Variants in COL11A2 observed in about 807,000 individuals in gnomAD.
The protein encoded by COL11A2 is collagen alpha-2(XI) chain.
COL11A2 carries 116 observed loss-of-function variants against 273.4 expected under a neutral mutation model. The ratio of observed to expected loss-of-function variants is 0.42; its 90% CI spans 0.36 to 0.49. COL11A2 has a LOEUF of 0.49. Ranked by LOEUF, COL11A2 falls within the 20% of genes least tolerant of loss-of-function variation. The pLI is 0.00. For synonymous variants in COL11A2, 782 were observed against 864.2 expected, an observed-to-expected ratio of 0.90 and a Z score of 1.67; for missense variants, 1,866 against 2,309.0, an observed-to-expected ratio of 0.81 and a Z score of 3.93.
In COL11A2 at chr6:33,165,638, A is replaced by T. The variant is rs1298190791; in HGVS notation, c.4661T>A (p.Ile1554Asn). 3.7e-6 allele frequency: 6 copies of T among 1,612,346 alleles called. No homozygotes were observed. Residue 1554 changes from isoleucine to asparagine, a missense_variant, in exon 63 of 66, where the codon ATC (isoleucine) becomes AAC (asparagine). Ile to Asn is a moderately radical substitution (Grantham distance 149). Coordinates refer to ENST00000341947, the MANE Select transcript of COL11A2 (RefSeq NM_080680.3). The surrounding 1 kb of genome is among the most constrained non-coding windows in gnomAD (Gnocchi z 7.7). ...FGSLDSLREEIEQMRRPTGTQ... is the reference protein window; with the variant it reads ...FGSLDSLREENEQMRRPTGTQ... ...CCCTGTTGGCCGCCTCATCTGCTCG[A>T]TCTCCTCCCGCAGGGAGTCGAGTGA...
Position 33,172,068 on chromosome 6 carries a change from A to G in COL11A2, c.3024T>C (p.Ser1008=). The G allele has an allele frequency of 6.2e-7, 1 of 1,612,816 alleles. No homozygotes were observed. Among genetic ancestry groups the G allele is most frequent in the South Asian group, 1.1e-5 (1 of 91,058 alleles). ...GPGLKGNEGP[S]GPPGPAGSPG... is the part of the protein sequence containing the mutation. ...GACTCACTGCAGGGCCAGGGGGGCC[A>G]GACGGACCTTCATTCCCCTTCAAAC... Residue 1008 remains serine (S), a synonymous_variant, in exon 41 of 66, where the codon TCT becomes TCC. Coordinates refer to ENST00000341947, the MANE Select transcript of COL11A2 (RefSeq NM_080680.3).
Position 33,164,275 on chromosome 6 carries a change from C to A in COL11A2, c.5062G>T (p.Gly1688Cys). Residue 1688 changes from glycine to cysteine, a missense_variant, in exon 65 of 66, where the codon GGC (glycine) becomes TGC (cysteine). By Grantham distance (159) the Gly-to-Cys change is radical. Coordinates refer to ENST00000341947, the MANE Select transcript of COL11A2 (RefSeq NM_080680.3). This position sits in a 1 kb window ranked among gnomAD's most constrained non-coding sequence, Gnocchi z 4.7. ...TSPYVKEFRD[G>C]CQTQQGRTVL... ...GCTCTTCCTGTTCCCACCTGGCAGC[C>A]ATCTCTGAATTCTTTGACATAGGGG... 1.2e-6 allele frequency: 2 copies of A among 1,612,968 alleles called. No individual in the cohort carries two copies. Among genetic ancestry groups the A allele is most frequent in the Non-Finnish European group, 1.7e-6 (2 of 1,179,998 alleles).
intron 30 of COL11A2, among the ~76,000 whole-genome samples, chr6:33,175,075 G>A (rs574935776): frequency 2.6e-4 from 39 of 152,324 alleles, no homozygotes; most frequent in African/African-American, 9.4e-4. Flanking sequence ...CAGACTGCCT[G>A]GGCATAACCC....
intron 8 of COL11A2, 139 bp downstream of exon 8, chr6:33,184,006 C>T: frequency 1.5e-6 from 1 of 674,750 alleles, no homozygotes; most frequent in Non-Finnish European, 2.4e-6. Flanking sequence ...GCAACATATA[C>T]ATCATATGTG....
At position 33,164,161 on chromosome 6, in the gene COL11A2, G is replaced by T; in HGVS notation, c.5070+106C>A. On this transcript the variant is annotated intron_variant, in intron 65 of 65. Coordinates refer to ENST00000341947, the MANE Select transcript of COL11A2 (RefSeq NM_080680.3). This position sits in a 1 kb window ranked among gnomAD's most constrained non-coding sequence, Gnocchi z 4.7. The stretch of plus-strand genomic sequence containing the variant: ...GCATCCCTGACAATCCAGCAGGACG[G>T]ACTCCTCCCTGCTCCCCCTGGGTGC... 7.6e-7 allele frequency: 1 copy of T among 1,319,232 alleles called. No individual in the cohort carries two copies. Among genetic ancestry groups the T allele is most frequent in the Non-Finnish European group, 1.0e-6 (1 of 954,418 alleles). 81.7% of individuals were successfully genotyped at this position (1,319,232 alleles called of 1,614,324 possible).
rs1176268685 is a variant in COL11A2 at position 33,167,974 on chromosome 6, C to T, written c.3961-122G>A. Reference sequence around the variant, plus strand: ...ACACACACGTGCATACACAGGGACACGCGCCGAGGGCCGATTCACAGATGT... The same window carrying T: ...ACACACACGTGCATACACAGGGACATGCGCCGAGGGCCGATTCACAGATGT... On this transcript the variant is annotated intron_variant, in intron 54 of 65. Transcript: ENST00000341947. This position sits in a 1 kb window ranked among gnomAD's most constrained non-coding sequence, Gnocchi z 6.1. 1.7e-5 allele frequency: 18 copies of T among 1,047,562 alleles called. No homozygotes were observed. Among genetic ancestry groups the T allele is most frequent in the South Asian group, 6.7e-5 (5 of 75,016 alleles). The allele number at this position is 1,047,562 out of a possible 1,614,324, so 64.9% of individuals were successfully genotyped here.
rs1322142632 is a variant in COL11A2 at position 33,188,456 on chromosome 6, A to G, written c.512T>C (p.Val171Ala). ...AGCACTTCGGGGGAGAGGCCGGGTGACTCGCTTCTTGCAGTCAACAATGAG... is the reference window on the plus strand; with the variant it reads ...AGCACTTCGGGGGAGAGGCCGGGTGGCTCGCTTCTTGCAGTCAACAATGAG... Reference protein sequence around the residue: ...VTLIVDCKKRVTRPLPRSARP... With the variant: ...VTLIVDCKKRATRPLPRSARP... The change falls in exon 4 of 66, where the codon GTC (valine) becomes GCC (alanine). Residue 171 changes from valine to alanine, a missense_variant. Physicochemically the swap from Val to Ala is moderately conservative, Grantham distance 64. Transcript: ENST00000341947. 6.2e-7 allele frequency: 1 copy of G among 1,612,758 alleles called. No homozygotes were observed. Among genetic ancestry groups the G allele is most frequent in the African/African-American group, 1.3e-5 (1 of 74,836 alleles).
chr6:33,177,474 A>G lies in COL11A2; in HGVS notation c.1918-9T>C. 6.2e-7 allele frequency: 1 copy of G among 1,612,868 alleles called. No individual in the cohort carries two copies. Among genetic ancestry groups the G allele is most frequent in the Non-Finnish European group, 8.5e-7 (1 of 1,179,916 alleles). The stretch of plus-strand genomic sequence containing the variant: ...GGCTCTCCCTGGGGTCCCTAGAAAC[A>G]GGTGACCAGGCACAGGTCAGAAGGA... On this transcript the variant is annotated splice_polypyrimidine_tract_variant and intron_variant, in intron 22 of 65. Coordinates refer to ENST00000341947, the MANE Select transcript of COL11A2 (RefSeq NM_080680.3). This position sits in a 1 kb window ranked among gnomAD's most constrained non-coding sequence, Gnocchi z 5.9.
chr6:33,175,613 C>G lies in COL11A2; in HGVS notation c.2337G>C (p.Pro779=), dbSNP rs375026901. ...GPEGPKGRTG[P]TGDPGPPGLM... The stretch of plus-strand genomic sequence containing the variant: ...GCCCTGGGGGCCCAGGGTCTCCAGT[C>G]GGTCCAGTGCGTCCCTTTGGCCCCT... Residue 779 remains proline (P), a synonymous_variant, in exon 30 of 66, where the codon CCG becomes CCC. Transcript: ENST00000341947. 15 of 1,613,006 alleles carry G rather than the reference C, an allele frequency of 9.3e-6. No homozygotes were observed. Among genetic ancestry groups the G allele is most frequent in the Non-Finnish European group, 1.2e-5 (14 of 1,180,028 alleles).
rs1179310340 is a variant in COL11A2, at chr6:33,164,815, T to C, written c.4863+37A>G. 1.0e-5 allele frequency: 14 copies of C among 1,385,930 alleles called. 1 individual carries two copies. Among genetic ancestry groups the C allele is most frequent in the Middle Eastern group, 1.9e-4 (1 of 5,216 alleles). 85.9% of individuals were successfully genotyped at this position (1,385,930 alleles called of 1,614,324 possible). On this transcript the variant is annotated intron_variant, in intron 64 of 65. Coordinates refer to ENST00000341947, the MANE Select transcript of COL11A2 (RefSeq NM_080680.3). This position sits in a 1 kb window ranked among gnomAD's most constrained non-coding sequence, Gnocchi z 4.7. ...CACTAAGCCCTGAGGGGGTGCACTA[T>C]GGGGCAGGGGAGGGGCAGCGAGGGG...
Position 33,164,439 on chromosome 6 carries a change from C to G in COL11A2, c.4898G>C (p.Gly1633Ala). Residue 1633 changes from glycine to alanine, a missense_variant, in exon 65 of 66, where the codon GGT (glycine) becomes GCT (alanine). Gly to Ala is a moderately conservative substitution (Grantham distance 60, BLOSUM62 0). Transcript: ENST00000341947. This position sits in a 1 kb window ranked among gnomAD's most constrained non-coding sequence, Gnocchi z 4.7. ...CCGCAGGAAGGTGAGCTGGACCACA[C>G]CCACTGGGGAGCCCTCTGAGTCCAC... ...SYVDSEGSPV[G>A]VVQLTFLRLL... 1.3e-6 allele frequency: 2 copies of G among 1,581,778 alleles called. No individual in the cohort carries two copies. The highest frequency in any genetic ancestry group is 1.7e-6 in the Non-Finnish European group (2 of 1,163,554).
At chr6:33,175,765 G>A in intron 29 of COL11A2, 84 bp from the exon 30 acceptor site, 1 of 1,368,138 alleles carries the variant, frequency 7.3e-7, no homozygotes, top group Non-Finnish European at 1.0e-6. Context: ...CAGTGAGGCT[G>A]AGGAGGGCTA....
In COL11A2 at chr6:33,167,252, C is replaced by T. The variant is rs1384556564; in HGVS notation, c.4176+12G>A. 1 of 1,614,002 alleles carries T rather than the reference C, an allele frequency of 6.2e-7. No homozygotes were observed. The highest frequency in any genetic ancestry group is 8.5e-7 in the Non-Finnish European group (1 of 1,180,022). ...CCCTCACCCCTCACTCAGCCCAATCCCAGTCACTCACCACAGGACCTGGGG... is the reference window on the plus strand; with the variant it reads ...CCCTCACCCCTCACTCAGCCCAATCTCAGTCACTCACCACAGGACCTGGGG... On this transcript the variant is annotated intron_variant, in intron 57 of 65. Transcript: ENST00000341947. This position sits in a 1 kb window ranked among gnomAD's most constrained non-coding sequence, Gnocchi z 6.1.
At position 33,166,944 on chromosome 6, in the gene COL11A2, G is replaced by A. The variant is rs1278110147; in HGVS notation, c.4231-117C>T. ...ACAGGGTCCGTGAGTGGCCCTCACT[G>A]AGCAGGGACTCCCTGGGACTGGCTG... On this transcript the variant is annotated intron_variant, in intron 58 of 65. Coordinates refer to ENST00000341947, the MANE Select transcript of COL11A2 (RefSeq NM_080680.3). The surrounding 1 kb of genome is among the most constrained non-coding windows in gnomAD (Gnocchi z 4.8). 5 of 1,515,586 alleles carry A rather than the reference G, an allele frequency of 3.3e-6. No homozygotes were observed. Among genetic ancestry groups the A allele is most frequent in the Non-Finnish European group, 3.6e-6 (4 of 1,105,622 alleles). The allele number at this position is 1,515,586 out of a possible 1,614,324, so 93.9% of individuals were successfully genotyped here.
At position 33,189,583 on chromosome 6, in the gene COL11A2, A is replaced by G; in HGVS notation, c.83-114T>C. 7.4e-7 allele frequency: 1 copy of G among 1,351,102 alleles called. No homozygotes were observed. The allele number at this position is 1,351,102 out of a possible 1,614,324, so 83.7% of individuals were successfully genotyped here. A position where few individuals can be genotyped will look rare whatever the true frequency, so the allele number is the denominator to read the frequency against. On this transcript the variant is annotated intron_variant, in intron 1 of 65. Coordinates refer to ENST00000341947, the MANE Select transcript of COL11A2 (RefSeq NM_080680.3). The surrounding 1 kb of genome is among the most constrained non-coding windows in gnomAD (Gnocchi z 5.6). The stretch of plus-strand genomic sequence containing the variant: ...AGGGCTCAAACTCCCTGCAAGGGAA[A>G]GGTCACCTCACCCTCACTTGCTTCT...
chr6:33,166,385 C>A lies in COL11A2; in HGVS notation c.4392+128G>T, dbSNP rs1769149874. On this transcript the variant is annotated intron_variant, in intron 60 of 65. Coordinates refer to ENST00000341947, the MANE Select transcript of COL11A2 (RefSeq NM_080680.3). This position sits in a 1 kb window ranked among gnomAD's most constrained non-coding sequence, Gnocchi z 4.8. ...TATGGGGAGGAGGTACTGGTGGTGA[C>A]AGGACAAATGGGGGACCCTGAGGAC... 7 of 1,302,284 alleles carry A rather than the reference C, an allele frequency of 5.4e-6. No individual in the cohort carries two copies. Among genetic ancestry groups the A allele is most frequent in the Non-Finnish European group, 7.5e-6 (7 of 934,704 alleles). 80.7% of individuals were successfully genotyped at this position (1,302,284 alleles called of 1,614,324 possible). A position where few individuals can be genotyped will look rare whatever the true frequency, so the allele number is the denominator to read the frequency against.
In COL11A2 at chr6:33,164,439, C is replaced by T. The variant is rs143920565; in HGVS notation, c.4898G>A (p.Gly1633Asp). The T allele has an allele frequency of 1.2e-4, 196 of 1,581,662 alleles. No homozygotes were observed. The highest frequency in any genetic ancestry group is 1.6e-4 in the Non-Finnish European group (191 of 1,163,562). Residue 1633 changes from glycine (G) to aspartate (D), a missense_variant, in exon 65 of 66, where the codon GGT (glycine) becomes GAT (aspartate). Gly to Asp is a moderately conservative substitution (Grantham distance 94). Transcript: ENST00000341947. This position sits in a 1 kb window ranked among gnomAD's most constrained non-coding sequence, Gnocchi z 4.7. ...SYVDSEGSPVGVVQLTFLRLL... is the reference protein window; with the variant it reads ...SYVDSEGSPVDVVQLTFLRLL... ...CCGCAGGAAGGTGAGCTGGACCACA[C>T]CCACTGGGGAGCCCTCTGAGTCCAC...
In COL11A2 at chr6:33,166,709, C is replaced by G. The variant is rs1246715456; in HGVS notation, c.4338+11G>C. On this transcript the variant is annotated intron_variant, in intron 59 of 65. Transcript: ENST00000341947. This position sits in a 1 kb window ranked among gnomAD's most constrained non-coding sequence, Gnocchi z 4.8. ...ACCCCCACAACTTCCGGGACCATGC[C>G]CTCTACTCACCATCTCACCCTTCTG... 1 of 1,613,834 alleles carries G rather than the reference C, an allele frequency of 6.2e-7. No homozygotes were observed.
chr6:33,169,299 G>T lies in COL11A2; in HGVS notation c.3798+84C>A, dbSNP rs530038368. 1.5e-6 allele frequency: 2 copies of T among 1,295,378 alleles called. No individual in the cohort carries two copies. The highest frequency in any genetic ancestry group is 1.9e-5 in the Admixed American group (1 of 53,298). The allele number at this position is 1,295,378 out of a possible 1,614,324, so 80.2% of individuals were successfully genotyped here. A position where few individuals can be genotyped will look rare whatever the true frequency, so the allele number is the denominator to read the frequency against. ...AACTCCCGGGCTCCCCACACTCCAA[G>T]ATCCTCCCTCACACACACCCATATT... On this transcript the variant is annotated intron_variant, in intron 51 of 65. Coordinates refer to ENST00000341947, the MANE Select transcript of COL11A2 (RefSeq NM_080680.3). The surrounding 1 kb of genome is among the most constrained non-coding windows in gnomAD (Gnocchi z 5.5).
Sources: allele counts gnomAD v4.1 joint callset (sites outside exome capture counted in the v4.1 genomes callset), GRCh38; gene constraint gnomAD v4.1.1; non-coding constraint Gnocchi (gnomAD v3.1); transcripts MANE v1.5; gene names NCBI Gene and HGNC (gene_info 2026-07-23, HGNC 2026-07-21).